OLFML3: variants seen among roughly 807,000 people sequenced by gnomAD.
The protein encoded by OLFML3 is olfactomedin like 3, also known as olfactomedin-like protein 3.
OLFML3 carries 26 observed loss-of-function variants against 36.0 expected under a neutral mutation model. The ratio of observed to expected loss-of-function variants is 0.72; its 90% CI spans 0.53 to 1.00. OLFML3 has a LOEUF of 1.00. OLFML3 is among the 50% of genes least tolerant of loss of function. The probability of loss-of-function intolerance (pLI) is 0.00; values close to 1 mark genes in which losing one functional copy is unlikely to be tolerated. For missense variants in OLFML3, 503 were observed against 519.4 expected, an observed-to-expected ratio of 0.97 and a Z score of 0.31; for synonymous variants, 184 against 201.2, an observed-to-expected ratio of 0.91 and a Z score of 0.72.
In OLFML3 at chr1:113,981,337, C is replaced by A. The variant is rs1470051095; in HGVS notation, c.789C>A (p.Ile263=). Residue 263 remains isoleucine, a synonymous_variant, in exon 3 of 3, where the codon ATC becomes ATA. Coordinates refer to ENST00000320334, the MANE Select transcript of OLFML3 (RefSeq NM_020190.5). The part of the protein sequence containing the change: ...DSSVFPAEGL[I]PPYGLTADTY... ...CAGTATTCCCAGCAGAGGGGCTGAT[C>A]CCCCCCTACGGCTTGACAGCAGACA... The A allele has an allele frequency of 1.3e-6, 2 of 1,597,892 alleles. No individual in the cohort carries two copies. Among genetic ancestry groups the A allele is most frequent in the Non-Finnish European group, 1.7e-6 (2 of 1,171,336 alleles).
chr1:113,980,604 C>A lies in OLFML3; in HGVS notation c.387C>A (p.Tyr129Ter), dbSNP rs374821124. The A allele has an allele frequency of 1.3e-6, 2 of 1,594,592 alleles. No homozygotes were observed. Among genetic ancestry groups the A allele is most frequent in the South Asian group, 1.1e-5 (1 of 88,450 alleles). The change falls in exon 2 of 3, where the codon TAC (tyrosine) becomes TAA (stop). Residue 129 changes from tyrosine (Y) to a stop codon, truncating the protein, a stop_gained. Coordinates refer to ENST00000320334, the MANE Select transcript of OLFML3 (RefSeq NM_020190.5). LOFTEE classifies it high-confidence loss of function. ...TKGKGRRNEK[Y>*]DMVTDCGYTI... The stretch of plus-strand genomic sequence containing the variant: ...GCAAGGGAAGAAGGAATGAGAAGTA[C>A]GATATGGTGACAGGTAAATAATCTG...
chr1:113,979,882 C>T (rs1673342903), intron 1 of OLFML3: 1 of 1,349,798 alleles, frequency 7.4e-7, no homozygotes, highest in African/African-American at 1.5e-5. Flanking sequence ...GAAACGAGAG[C>T]CAAAATTGTG....
Position 113,981,538 on chromosome 1 carries a change from C to A in OLFML3, c.990C>A (p.Thr330=). The A allele has an allele frequency of 6.2e-7, 1 of 1,614,066 alleles. No homozygotes were observed. The highest frequency in any genetic ancestry group is 1.7e-5 in the Admixed American group (1 of 60,020). ...NAEAAFVICG[T]LYVVYNTRPA... is the part of the protein sequence containing the mutation. ...AGGCTGCCTTTGTCATCTGTGGGACCCTCTATGTCGTCTATAACACCCGTC... is the reference window on the plus strand; with the variant it reads ...AGGCTGCCTTTGTCATCTGTGGGACACTCTATGTCGTCTATAACACCCGTC... Residue 330 remains threonine, a synonymous_variant, in exon 3 of 3, where the codon ACC becomes ACA. Coordinates refer to ENST00000320334, the MANE Select transcript of OLFML3 (RefSeq NM_020190.5).
rs1159513215 is a variant in OLFML3, at chr1:113,981,636, C to T, written c.1088C>T (p.Pro363Leu). The part of the protein sequence containing the change: ...GTLTPERAAL[P>L]YFPRRYGAHA... ...CTGACCCCTGAACGGGCAGCACTCC[C>T]TTATTTTCCCCGCAGATATGGTGCC... Residue 363 changes from proline (P) to leucine (L), a missense_variant, in exon 3 of 3, where the codon CCT becomes CTT. Coordinates refer to ENST00000320334, the MANE Select transcript of OLFML3 (RefSeq NM_020190.5). The T allele has an allele frequency of 1.4e-5, 23 of 1,614,102 alleles. No individual in the cohort carries two copies. The highest frequency in any genetic ancestry group is 1.9e-5 in the Non-Finnish European group (22 of 1,180,006).
In OLFML3 at chr1:113,982,150, C is replaced by G. The variant is rs1285184627; in HGVS notation, c.*381C>G. On this transcript the variant is annotated 3_prime_UTR_variant, in exon 3 of 3. Coordinates refer to ENST00000320334, the MANE Select transcript of OLFML3 (RefSeq NM_020190.5). ...GAGAAATAGGAGGAGACGTCCAGCT[C>G]TGTCCTCTCTTCCTCACTCCTCCCT... is the stretch of plus-strand genomic sequence containing the variant. The G allele has an allele frequency of 1.7e-5, 5 of 289,908 alleles. No homozygotes were observed. The Admixed American group carries it at 2.5e-4, about 15-fold the overall frequency. 18.0% of individuals were successfully genotyped at this position (289,908 alleles called of 1,614,324 possible).
Position 113,981,245 on chromosome 1 carries a change from GGT to G in OLFML3, c.699_700del (p.Glu234AspfsTer45), listed in dbSNP as rs1004177716. The G allele has an allele frequency of 2.5e-6, 4 of 1,613,470 alleles. No individual in the cohort carries two copies. The highest frequency in any genetic ancestry group is 3.4e-6 in the Non-Finnish European group (4 of 1,179,686). ...RRPPGRPGGG[G>X]EMENTLQLIK... ...GCCTCCTGGAAGACCTGGTGGAGGTGGTGAGATGGAGAACACTTTGCAGCTAA... is the reference window on the plus strand; with the variant it reads ...GCCTCCTGGAAGACCTGGTGGAGGTGGAGATGGAGAACACTTTGCAGCTAA... On this transcript the variant is annotated frameshift_variant, in exon 3 of 3. Coordinates refer to ENST00000320334, the MANE Select transcript of OLFML3 (RefSeq NM_020190.5). LOFTEE classifies it high-confidence loss of function.
chr1:113,981,074 C>G lies in OLFML3; in HGVS notation c.526C>G (p.Gln176Glu). 16 of 1,611,358 alleles carry G rather than the reference C, an allele frequency of 9.9e-6. No homozygotes were observed. Among genetic ancestry groups the G allele is most frequent in the Non-Finnish European group, 1.4e-5 (16 of 1,178,244 alleles). Reference sequence around the variant, plus strand: ...GAAGATCTACGTGTTAGATGGGACACAGAATGACACAGCCTTTGTCTTCCC... The same window carrying G: ...GAAGATCTACGTGTTAGATGGGACAGAGAATGACACAGCCTTTGTCTTCCC... ...TEKIYVLDGT[Q>E]NDTAFVFPRL... is the part of the protein sequence containing the mutation. The change falls in exon 3 of 3, where the codon CAG becomes GAG. Residue 176 changes from glutamine to glutamate, a missense_variant. By Grantham distance (29) the Gln-to-Glu change is conservative. Transcript: ENST00000320334.
chr1:113,980,204 A>G (rs1438806364), intron 1 of OLFML3, 128 bp from the exon 2 acceptor site: 2 of 1,519,614 alleles, frequency 1.3e-6, no homozygotes, highest in Non-Finnish European at 8.8e-7. Flanking sequence ...TTTCTGCAGG[A>G]GTGGAAGGGG....
Position 113,981,744 on chromosome 1 carries a change from T to C in OLFML3, c.1196T>C (p.Met399Thr), listed in dbSNP as rs1397577172. 2 of 1,613,708 alleles carry C rather than the reference T, an allele frequency of 1.2e-6. No homozygotes were observed. Among genetic ancestry groups the C allele is most frequent in the Non-Finnish European group, 1.7e-6 (2 of 1,179,946 alleles). ...DGYQIVYKLEMRKKEEEV is the reference protein window; with the variant it reads ...DGYQIVYKLETRKKEEEV ...TACCAGATTGTCTATAAGCTGGAGA[T>C]GAGGAAGAAAGAGGAGGAGGTTTGA... Residue 399 changes from methionine (M) to threonine (T), a missense_variant, in exon 3 of 3, where the codon ATG (methionine) becomes ACG (threonine). Met to Thr is a moderately conservative substitution (Grantham distance 81, BLOSUM62 -1). Transcript: ENST00000320334.
Position 113,980,431 on chromosome 1 carries a change from G to C in OLFML3, c.214G>C (p.Glu72Gln). The change falls in exon 2 of 3, where the codon GAG becomes CAG. Residue 72 changes from glutamate (E) to glutamine (Q), a missense_variant. Coordinates refer to ENST00000320334, the MANE Select transcript of OLFML3 (RefSeq NM_020190.5). ...MLPLLEVAEK[E>Q]REALRTEADT... ...GCCACTGCTGGAGGTGGCAGAGAAG[G>C]AGCGGGAGGCACTCAGAACTGAGGC... The C allele has an allele frequency of 1.9e-6, 3 of 1,613,556 alleles. No individual in the cohort carries two copies. The South Asian group carries it at 3.3e-5, about 18-fold the overall frequency.
At position 113,979,537 on chromosome 1, in the gene OLFML3, C is replaced by G; in HGVS notation, c.21C>G (p.Leu7=). ...CTGCCATGGGGCCCAGCACCCCTCT[C>G]CTCATCTTGTTCCTTTTGTCATGGT... MGPSTP[L]LILFLLSWSG... is the part of the protein sequence containing the mutation. The change falls in exon 1 of 3, where the codon CTC becomes CTG. Residue 7 remains leucine (L), a synonymous_variant. Coordinates refer to ENST00000320334, the MANE Select transcript of OLFML3 (RefSeq NM_020190.5). 2.5e-6 allele frequency: 4 copies of G among 1,614,096 alleles called. No individual in the cohort carries two copies. Among genetic ancestry groups the G allele is most frequent in the Non-Finnish European group, 2.5e-6 (3 of 1,179,940 alleles).
Position 113,981,244 on chromosome 1 carries a change from T to C in OLFML3, c.696T>C (p.Gly232=). 1 of 1,613,320 alleles carries C rather than the reference T, an allele frequency of 6.2e-7. No individual in the cohort carries two copies. Among genetic ancestry groups the C allele is most frequent in the Non-Finnish European group, 8.5e-7 (1 of 1,179,674 alleles). ...ARRPPGRPGG[G]GEMENTLQLI... The stretch of plus-strand genomic sequence containing the variant: ...GGCCTCCTGGAAGACCTGGTGGAGG[T>C]GGTGAGATGGAGAACACTTTGCAGC... Residue 232 remains glycine, a synonymous_variant, in exon 3 of 3, where the codon GGT becomes GGC. Transcript: ENST00000320334.
At position 113,981,623 on chromosome 1, in the gene OLFML3, C is replaced by CGGGCA; in HGVS notation, c.1077_1081dup (p.Ala361GlyfsTer41). On this transcript the variant is annotated frameshift_variant, in exon 3 of 3. Transcript: ENST00000320334. LOFTEE classifies it high-confidence loss of function. The stretch of plus-strand genomic sequence containing the variant: ...TGCCAGCGGCACCCTGACCCCTGAA[C>CGGGCA]GGGCAGCACTCCCTTATTTTCCCCG... 1 of 1,614,090 alleles carries CGGGCA rather than the reference C, an allele frequency of 6.2e-7. No homozygotes were observed. The highest frequency in any genetic ancestry group is 1.1e-5 in the South Asian group (1 of 91,070).
In OLFML3 at chr1:113,981,221, C is replaced by A. The variant is rs747199826; in HGVS notation, c.673C>A (p.Pro225Thr). The A allele has an allele frequency of 2.5e-6, 4 of 1,613,982 alleles. No homozygotes were observed. The South Asian group carries it at 3.3e-5, about 13-fold the overall frequency. ...TGGCTTTCTTTATTTTGCTCGGAGG[C>A]CTCCTGGAAGACCTGGTGGAGGTGG... ...YGGFLYFARR[P>T]PGRPGGGGEM... The change falls in exon 3 of 3, where the codon CCT (proline) becomes ACT (threonine). Residue 225 changes from proline (P) to threonine (T), a missense_variant. Pro to Thr is a conservative substitution (Grantham distance 38). Coordinates refer to ENST00000320334, the MANE Select transcript of OLFML3 (RefSeq NM_020190.5).
intron 2 of OLFML3, 152 bp downstream of exon 2, chr1:113,980,769 A>G: frequency 3.8e-6 from 4 of 1,051,246 alleles, no homozygotes; most frequent in Admixed American, 3.2e-5. Context: ...CAGGTCTATT[A>G]AGGAGAGGTT....
rs1196926553 is a variant in OLFML3 at position 113,981,790 on chromosome 1, C to A, written c.*21C>A. Reference sequence around the variant, plus strand: ...TTTGAGGAGCTAGCCTTGTTTTTTGCATCTTTCTCACTCCCATACATTTAT... The same window carrying A: ...TTTGAGGAGCTAGCCTTGTTTTTTGAATCTTTCTCACTCCCATACATTTAT... On this transcript the variant is annotated 3_prime_UTR_variant, in exon 3 of 3. Coordinates refer to ENST00000320334, the MANE Select transcript of OLFML3 (RefSeq NM_020190.5). 6.3e-7 allele frequency: 1 copy of A among 1,586,068 alleles called. No individual in the cohort carries two copies. Among genetic ancestry groups the A allele is most frequent in the South Asian group, 1.1e-5 (1 of 88,246 alleles).
Position 113,981,816 on chromosome 1 carries a change from A to G in OLFML3, c.*47A>G. The G allele has an allele frequency of 3.4e-6, 5 of 1,484,668 alleles. No individual in the cohort carries two copies. The highest frequency in any genetic ancestry group is 4.6e-6 in the Non-Finnish European group (5 of 1,083,322). The allele number at this position is 1,484,668 out of a possible 1,614,324, so 92.0% of individuals were successfully genotyped here. On this transcript the variant is annotated 3_prime_UTR_variant, in exon 3 of 3. Transcript: ENST00000320334. Reference sequence around the variant, plus strand: ...ATCTTTCTCACTCCCATACATTTATATTATATCCCCACTAAATTTCTTGTT... The same window carrying G: ...ATCTTTCTCACTCCCATACATTTATGTTATATCCCCACTAAATTTCTTGTT...
At position 113,981,225 on chromosome 1, in the gene OLFML3, C is replaced by A. The variant is rs891088597; in HGVS notation, c.677C>A (p.Pro226His). Residue 226 changes from proline to histidine, a missense_variant, in exon 3 of 3, where the codon CCT (proline) becomes CAT (histidine). Transcript: ENST00000320334. ...TTTCTTTATTTTGCTCGGAGGCCTCCTGGAAGACCTGGTGGAGGTGGTGAG... is the reference window on the plus strand; with the variant it reads ...TTTCTTTATTTTGCTCGGAGGCCTCATGGAAGACCTGGTGGAGGTGGTGAG... The part of the protein sequence containing the change: ...GGFLYFARRP[P>H]GRPGGGGEME... The A allele has an allele frequency of 6.2e-7, 1 of 1,613,916 alleles. No homozygotes were observed. The highest frequency in any genetic ancestry group is 1.1e-5 in the South Asian group (1 of 91,054).
In OLFML3 at chr1:113,982,013, T is replaced by C. The variant is rs1378765877; in HGVS notation, c.*244T>C. 2 of 501,976 alleles carry C rather than the reference T, an allele frequency of 4.0e-6. No homozygotes were observed. The highest frequency in any genetic ancestry group is 7.5e-5 in the East Asian group (2 of 26,532). The allele number at this position is 501,976 out of a possible 1,614,324, so 31.1% of individuals were successfully genotyped here. ...TGTTCCCTCCTGCTCTCCTGCCCCA[T>C]GTCAACAAATTTCAGGCTAAGGATG... On this transcript the variant is annotated 3_prime_UTR_variant, in exon 3 of 3. Coordinates refer to ENST00000320334, the MANE Select transcript of OLFML3 (RefSeq NM_020190.5).
Sources: gnomAD v4.1 joint callset for allele counts on GRCh38, gnomAD v4.1.1 for gene constraint, MANE v1.5 for transcripts, NCBI Gene and HGNC (gene_info 2026-07-23, HGNC 2026-07-21) for gene names.